The following ATXN10 variants were observed in gnomAD, a reference collection of about 807,000 sequenced individuals.
ATXN10 encodes the protein ataxin 10, also known as ataxin-10.
ATXN10 carries 28 observed loss-of-function variants against 52.9 expected under a neutral mutation model. That is an observed-to-expected ratio of 0.53 (90% confidence interval 0.39 to 0.73). The LOEUF (loss-of-function observed/expected upper bound fraction) is 0.73, where lower values mean the gene tolerates loss of function less well. Ranked by LOEUF, ATXN10 falls within the 30% of genes least tolerant of loss-of-function variation. The pLI, the probability that ATXN10 is intolerant of heterozygous loss-of-function variation, is 0.00. For missense variants in ATXN10, 565 were observed against 577.0 expected, an observed-to-expected ratio of 0.98 and a Z score of 0.21; for synonymous variants, 226 against 221.5, an observed-to-expected ratio of 1.02 and a Z score of -0.18.
chr22:45,740,370 T>A lies in ATXN10; in HGVS notation c.1005T>A (p.Asp335Glu), dbSNP rs1465520213. Residue 335 changes from aspartate to glutamate, a missense_variant and splice_region_variant, in exon 9 of 12, where the codon GAT becomes GAA. Asp to Glu is a conservative substitution (Grantham distance 45). Transcript: ENST00000252934. The stretch of plus-strand genomic sequence containing the variant: ...TGAAGTTTACTCTTTTGGTTATAGA[T>A]CTTTTGCGGGTGATTCATGTAGCTG... ...VFPGLLERVI[D>E]LLRVIHVAGK... The A allele has an allele frequency of 1.2e-6, 2 of 1,613,794 alleles. No homozygotes were observed. The highest frequency in any genetic ancestry group is 4.5e-5 in the East Asian group (2 of 44,864).
intron 9 of ATXN10, among the ~76,000 whole-genome samples, chr22:45,758,720 G>A (rs991322640): frequency 3.3e-5 from 5 of 152,246 alleles, no homozygotes; most frequent in African/African-American, 1.2e-4. Flanking sequence ...GCCAGGAGCT[G>A]TAACTGAACG....
intron 9 of ATXN10, among the ~76,000 whole-genome samples, chr22:45,798,707 G>T (rs1927831599): frequency 6.6e-6 from 1 of 152,168 alleles, no homozygotes; most frequent in South Asian, 2.1e-4. Context: ...GATGCATGCA[G>T]GTTGGAAAGA....
intron 9 of ATXN10, among the ~76,000 whole-genome samples, chr22:45,751,746 AAAAAAAAAT>A (rs869218140): frequency 0.083 from 5,677 of 68,734 alleles, 165 homozygotes; most frequent in Non-Finnish European, 0.096. Context: ...TCTGGAAAAA[AAAAAAAAAT>A]AAAAAAAAAA....
Position 45,754,785 on chromosome 22 carries a change from G to C in ATXN10, c.1173+14247G>C, listed in dbSNP as rs184461929. 1.6e-4 allele frequency among the ~76,000 whole-genome samples: 25 copies of C among 152,350 alleles called. No homozygotes were observed. Among genetic ancestry groups the C allele is most frequent in the Non-Finnish European group, 1.6e-4 (11 of 68,032 alleles). On this transcript the variant is annotated intron_variant, in intron 9 of 11. Transcript: ENST00000252934. The surrounding 1 kb of genome is among the most constrained non-coding windows in gnomAD (Gnocchi z 5.4). ...CAGGAGGATCGCTTGAACTCTGGAGGCAGAGGTTGCAGTGAGCTGAGATCG... is the reference window on the plus strand; with the variant it reads ...CAGGAGGATCGCTTGAACTCTGGAGCCAGAGGTTGCAGTGAGCTGAGATCG...
rs929271319 is a variant in ATXN10, at chr22:45,833,214, T to A, written c.1238-9777T>A. Among the ~76,000 whole-genome samples, 3 of 152,200 alleles carry A rather than the reference T, an allele frequency of 2.0e-5. No homozygotes were observed. Among genetic ancestry groups the A allele is most frequent in the African/African-American group, 7.2e-5 (3 of 41,446 alleles). Reference sequence around the variant, plus strand: ...GGGAAGCGCACGCATCTGGTATCTGTCCCTGTTCACCCTGCAAGCCCTCCC... The same window carrying A: ...GGGAAGCGCACGCATCTGGTATCTGACCCTGTTCACCCTGCAAGCCCTCCC... On this transcript the variant is annotated intron_variant, in intron 10 of 11. Transcript: ENST00000252934. This position sits in a 1 kb window ranked among gnomAD's most constrained non-coding sequence, Gnocchi z 4.3.
chr22:45,833,941 A>C lies in ATXN10; in HGVS notation c.1238-9050A>C, dbSNP rs1929077432. Among the ~76,000 whole-genome samples, 1 of 152,090 alleles carries C rather than the reference A, an allele frequency of 6.6e-6. No individual in the cohort carries two copies. ...CACCTTGAACACATCCAGTTGCGGG[A>C]CCTTGGCCATGTTCGCCTCTGTGTC... On this transcript the variant is annotated intron_variant, in intron 10 of 11. Transcript: ENST00000252934. This position sits in a 1 kb window ranked among gnomAD's most constrained non-coding sequence, Gnocchi z 4.3.
Position 45,790,804 on chromosome 22 carries a change from T to G in ATXN10, c.1174-16155T>G, listed in dbSNP as rs141605184. 6.6e-6 allele frequency among the ~76,000 whole-genome samples: 1 copy of G among 152,310 alleles called. No homozygotes were observed. The highest frequency in any genetic ancestry group is 6.5e-5 in the Admixed American group (1 of 15,296). On this transcript the variant is annotated intron_variant, in intron 9 of 11. Coordinates refer to ENST00000252934, the MANE Select transcript of ATXN10 (RefSeq NM_013236.4). This position sits in a 1 kb window ranked among gnomAD's most constrained non-coding sequence, Gnocchi z 4.7. ...GCGTTTTCATTCCTCTTTATATCTT[T>G]TTATCCTGACCTTCTAGATCTTATT...
At chr22:45,834,740 C>T (rs1303142816) in intron 10 of ATXN10, among the ~76,000 whole-genome samples, 1 of 152,102 alleles carries the variant, frequency 6.6e-6, no homozygotes, top group Non-Finnish European at 1.5e-5. Flanking sequence ...GGAGTCTGAG[C>T]ACATGGTGAG....
intron 9 of ATXN10, among the ~76,000 whole-genome samples, chr22:45,748,471 G>A (rs780431652): frequency 1.2e-4 from 19 of 152,302 alleles, no homozygotes; most frequent in Admixed American, 1.3e-4. Context: ...TCTTTAGGAT[G>A]AGAGTAATTT....
intron 9 of ATXN10, among the ~76,000 whole-genome samples, chr22:45,802,553 T>G (rs1927964080): frequency 6.6e-6 from 1 of 152,228 alleles, no homozygotes; most frequent in Non-Finnish European, 1.5e-5. Context: ...CTGTCATCCT[T>G]GTCCAGAATA....
Position 45,684,077 on chromosome 22 carries a change from A to AAC in ATXN10, c.117-5634_117-5633insCA. Among the ~76,000 whole-genome samples the AAC allele has an allele frequency of 6.6e-6, 1 of 152,006 alleles. No individual in the cohort carries two copies. The highest frequency in any genetic ancestry group is 1.5e-5 in the Non-Finnish European group (1 of 68,004). The stretch of plus-strand genomic sequence containing the variant: ...AGCAGTCCTTCTGCATCAGGCTCCC[A>AAC]AGTAGCTGGGACTACGAGGCACAGA... On this transcript the variant is annotated intron_variant, in intron 1 of 11. Transcript: ENST00000252934. The surrounding 1 kb of genome is among the most constrained non-coding windows in gnomAD (Gnocchi z 4.1).
At chr22:45,729,818 A>G (rs1158200546) in intron 7 of ATXN10, 5 of 573,118 alleles carry the variant, frequency 8.7e-6, no homozygotes, top group Admixed American at 2.4e-5. Flanking sequence ...TTCTAGACAG[A>G]TGACATCAGA....
rs181181742 is a variant in ATXN10, at chr22:45,690,049, G to A, written c.308+146G>A. ...GCATTTTGGGAGGCTGAGGCAGGAGGATTGCTTGAGTCCAGGAGTTCAAGA... is the reference window on the plus strand; with the variant it reads ...GCATTTTGGGAGGCTGAGGCAGGAGAATTGCTTGAGTCCAGGAGTTCAAGA... On this transcript the variant is annotated intron_variant, in intron 2 of 11. Coordinates refer to ENST00000252934, the MANE Select transcript of ATXN10 (RefSeq NM_013236.4). This position sits in a 1 kb window ranked among gnomAD's most constrained non-coding sequence, Gnocchi z 4.5. 3.0e-4 allele frequency: 242 copies of A among 796,792 alleles called. No individual in the cohort carries two copies. In the East Asian group the frequency reaches 4.7e-3, roughly 16 times the overall value. The allele number at this position is 796,792 out of a possible 1,614,324, so 49.4% of individuals were successfully genotyped here.
chr22:45,739,875 G>A (rs1476899134), intron 8 of ATXN10, among the ~76,000 whole-genome samples: 1 of 152,148 alleles, frequency 6.6e-6, no homozygotes, highest in Non-Finnish European at 1.5e-5. Context: ...GAATGTAGCT[G>A]GAGTGAAGTA....
Position 45,807,137 on chromosome 22 carries a change from C to T in ATXN10, c.1237+115C>T, listed in dbSNP as rs568484960. The T allele has an allele frequency of 2.1e-5, 18 of 847,338 alleles. No individual in the cohort carries two copies. The African/African-American group carries it at 2.3e-4, about 11-fold the overall frequency. The allele number at this position is 847,338 out of a possible 1,614,324, so 52.5% of individuals were successfully genotyped here. ...GCTGGCTGCCTTGCTTGCTTGTTTA[C>T]TTGTTCCTGAGAACCAAATCATTTT... On this transcript the variant is annotated intron_variant, in intron 10 of 11. Transcript: ENST00000252934.
At chr22:45,753,960 T>A (rs1926085383) in intron 9 of ATXN10, among the ~76,000 whole-genome samples, 1 of 152,222 alleles carries the variant, frequency 6.6e-6, no homozygotes, top group Admixed American at 6.5e-5. Flanking sequence ...CCTACTTGTT[T>A]GCAGTCCTGA....
At chr22:45,809,570 C>T (rs1332621147) in intron 10 of ATXN10, among the ~76,000 whole-genome samples, 2 of 152,156 alleles carry the variant, frequency 1.3e-5, no homozygotes, top group African/African-American at 4.8e-5. Flanking sequence ...CATTCAGCTC[C>T]TGTACACCAC....
At chr22:45,729,702 A>T in intron 7 of ATXN10, 112 bp downstream of exon 7, 1 of 1,162,342 alleles carries the variant, frequency 8.6e-7, no homozygotes, top group Non-Finnish European at 1.3e-6. Context: ...ATATTATGTA[A>T]GTAATGTATC....
chr22:45,773,445 ATTATTTATTTAT>A (rs111706438), intron 9 of ATXN10, among the ~76,000 whole-genome samples: 3 of 149,262 alleles, frequency 2.0e-5, no homozygotes, highest in Non-Finnish European at 3.0e-5. Context: ...TGAATGAAGA[ATTATTTATTTAT>A]TTATTTATTT....
Sources: allele counts gnomAD v4.1 joint callset (sites outside exome capture counted in the v4.1 genomes callset), GRCh38; gene constraint gnomAD v4.1.1; non-coding constraint Gnocchi (gnomAD v3.1); transcripts MANE v1.5; gene names NCBI Gene and HGNC (gene_info 2026-07-23, HGNC 2026-07-21).